The following INTS2 variants were observed in gnomAD, a reference collection of about 807,000 sequenced individuals.
INTS2 encodes integrator complex subunit 2, also known as KIAA1287.
In INTS2, 57 loss-of-function variants were observed where a neutral mutation model predicts 139.6. That is an observed-to-expected ratio of 0.41 (90% CI 0.33 to 0.51). INTS2 has a LOEUF of 0.51. INTS2 is among the 20% of genes least tolerant of loss of function. The pLI is 0.28. For missense variants in INTS2, 1,196 were observed against 1,436.7 expected (o/e 0.83, Z 2.71); for synonymous variants, 473 against 493.4 (o/e 0.96, Z 0.55).
In INTS2 at chr17:61,927,781, T is replaced by C; in HGVS notation, c.-146A>G. 2 of 1,590,478 alleles carry C rather than the reference T, an allele frequency of 1.3e-6. No individual in the cohort carries two copies. Among genetic ancestry groups the C allele is most frequent in the Admixed American group, 1.7e-5 (1 of 58,054 alleles). On this transcript the variant is annotated 5_prime_UTR_variant, in exon 1 of 25. Transcript: ENST00000251334. ...CGATATCCGGAACCCCAAACCCTAG[T>C]TGTGCCTCGAGTCGACTCGGACACC... is the stretch of plus-strand genomic sequence containing the variant.
Position 61,897,805 on chromosome 17 carries a change from T to C in INTS2, c.1308-66A>G. The stretch of plus-strand genomic sequence containing the variant: ...TATACTAGCATATGAATAAAAAGCA[T>C]TCTGAAGTTATTTTTGGTAGAAATT... On this transcript the variant is annotated intron_variant, in intron 9 of 24. Coordinates refer to ENST00000251334, the MANE Select transcript of INTS2 (RefSeq NM_001351695.2). The surrounding 1 kb of genome is among the most constrained non-coding windows in gnomAD (Gnocchi z 4.4). 5.5e-6 allele frequency: 6 copies of C among 1,081,226 alleles called. No homozygotes were observed. The highest frequency in any genetic ancestry group is 8.1e-6 in the Non-Finnish European group (6 of 736,920). 67.0% of individuals were successfully genotyped at this position (1,081,226 alleles called of 1,614,324 possible).
At chr17:61,901,301 T>C (rs1440456501) in intron 9 of INTS2, among the ~76,000 whole-genome samples, 1 of 150,758 alleles carries the variant, frequency 6.6e-6, no homozygotes, top group Non-Finnish European at 1.5e-5. Context: ...TTAAAAATAA[T>C]AATAAATATT....
At chr17:61,924,334 A>G (rs1231326995) in intron 3 of INTS2, among the ~76,000 whole-genome samples, 3 of 152,212 alleles carry the variant, frequency 2.0e-5, no homozygotes. Context: ...GATAATCTGT[A>G]CAAGCCTTGA....
intron 15 of INTS2, 29 bp downstream of exon 15, chr17:61,889,757 C>T: frequency 8.8e-7 from 1 of 1,133,608 alleles, no homozygotes; most frequent in Non-Finnish European, 1.3e-6. Flanking sequence ...TAAACTACCA[C>T]TAGAACCACT....
chr17:61,922,857 C>T (rs966526390), intron 3 of INTS2, among the ~76,000 whole-genome samples: 5 of 151,900 alleles, frequency 3.3e-5, no homozygotes, highest in Admixed American at 6.6e-5. Context: ...GTGGGAGGAT[C>T]ACCTGAGGTC....
chr17:61,868,081 G>T lies in INTS2; in HGVS notation c.3245-72C>A. On this transcript the variant is annotated intron_variant, in intron 23 of 24. Transcript: ENST00000251334. The surrounding 1 kb of genome is among the most constrained non-coding windows in gnomAD (Gnocchi z 4.7). Reference sequence around the variant, plus strand: ...CAACACAGCTTACACAACATACTAAGGGGAACTATGCTCTGTGCTGGAGAT... The same window carrying T: ...CAACACAGCTTACACAACATACTAATGGGAACTATGCTCTGTGCTGGAGAT... 8.1e-7 allele frequency: 1 copy of T among 1,232,198 alleles called. No individual in the cohort carries two copies. The highest frequency in any genetic ancestry group is 1.6e-5 in the South Asian group (1 of 61,606). The allele number at this position is 1,232,198 out of a possible 1,614,324, so 76.3% of individuals were successfully genotyped here. A position where few individuals can be genotyped will look rare whatever the true frequency, so the allele number is the denominator to read the frequency against.
chr17:61,913,155 T>C (rs1418743450), intron 5 of INTS2, among the ~76,000 whole-genome samples: 1 of 151,816 alleles, frequency 6.6e-6, no homozygotes, highest in Non-Finnish European at 1.5e-5. Flanking sequence ...CTAGCCAACA[T>C]AGTGAAACCC....
Position 61,889,853 on chromosome 17 carries a change from T to C in INTS2, c.1917A>G (p.Ala639=). ...GTATATAGTAGAGCACCAAAAGCTG[T>C]GCTGTGATACTGAAACGCTGATTAA... The part of the protein sequence containing the change: ...IRLNQRFSIT[A]QLLVLYYILS... Residue 639 remains alanine, a synonymous_variant, in exon 15 of 25, where the codon GCA becomes GCG. Coordinates refer to ENST00000251334, the MANE Select transcript of INTS2 (RefSeq NM_001351695.2). 1 of 1,612,362 alleles carries C rather than the reference T, an allele frequency of 6.2e-7. No homozygotes were observed. The highest frequency in any genetic ancestry group is 1.7e-5 in the Admixed American group (1 of 59,948).
chr17:61,924,690 G>A (rs1409437851), intron 3 of INTS2, among the ~76,000 whole-genome samples: 8 of 151,968 alleles, frequency 5.3e-5, no homozygotes, highest in African/African-American at 4.8e-5. Flanking sequence ...TTAGCTGGGC[G>A]TGGTGGCGGG....
intron 15 of INTS2, among the ~76,000 whole-genome samples, chr17:61,888,938 T>C (rs1603376024): frequency 6.6e-6 from 1 of 151,738 alleles, no homozygotes; most frequent in African/African-American, 2.4e-5. Context: ...GGCAGGAGAA[T>C]GGCATGAACT....
At chr17:61,912,659 T>C (rs1190048083) in intron 5 of INTS2, among the ~76,000 whole-genome samples, 2 of 152,022 alleles carry the variant, frequency 1.3e-5, no homozygotes, top group Admixed American at 1.3e-4. Context: ...TGAAGAAATT[T>C]TCCCAAGTTG....
Position 61,927,689 on chromosome 17 carries a change from A to G in INTS2, c.-54T>C. 1 of 1,437,140 alleles carries G rather than the reference A, an allele frequency of 7.0e-7. No homozygotes were observed. Among genetic ancestry groups the G allele is most frequent in the African/African-American group, 1.4e-5 (1 of 69,738 alleles). 89.0% of individuals were successfully genotyped at this position (1,437,140 alleles called of 1,614,324 possible). On this transcript the variant is annotated 5_prime_UTR_variant, in exon 1 of 25. Coordinates refer to ENST00000251334, the MANE Select transcript of INTS2 (RefSeq NM_001351695.2). ...ACCCTCCAGCCTCACGGAACCGCACACGGACTCCGCGTCCTAGAGGCGGGA... is the reference window on the plus strand; with the variant it reads ...ACCCTCCAGCCTCACGGAACCGCACGCGGACTCCGCGTCCTAGAGGCGGGA...
At chr17:61,913,116 TCA>T (rs2079544875) in intron 5 of INTS2, among the ~76,000 whole-genome samples, 1 of 149,514 alleles carries the variant, frequency 6.7e-6, no homozygotes, top group Non-Finnish European at 1.5e-5. Context: ...GATAGGCGCA[TCA>T]CCTGAGGCCA....
intron 9 of INTS2, among the ~76,000 whole-genome samples, chr17:61,904,141 T>C (rs544582543): frequency 3.9e-5 from 6 of 152,152 alleles, no homozygotes; most frequent in Non-Finnish European, 2.9e-5. Flanking sequence ...ATCCTTATTT[T>C]AAAAAAATAC....
At chr17:61,923,075 T>A (rs980405749) in intron 3 of INTS2, among the ~76,000 whole-genome samples, 3 of 151,546 alleles carry the variant, frequency 2.0e-5, no homozygotes, top group Admixed American at 6.6e-5. Context: ...AAACTCTGTC[T>A]CAAAAAAACA....
Position 61,893,210 on chromosome 17 carries a change from T to G in INTS2, c.1698+555A>C, listed in dbSNP as rs1483803875. Among the ~76,000 whole-genome samples, 1 of 151,982 alleles carries G rather than the reference T, an allele frequency of 6.6e-6. No individual in the cohort carries two copies. The highest frequency in any genetic ancestry group is 1.5e-5 in the Non-Finnish European group (1 of 68,014). ...AATGGAGTATTATGCATTTTGAAAA[T>G]CTTACATTGTTTTAAAAATCTGAAA... On this transcript the variant is annotated intron_variant, in intron 13 of 24. Coordinates refer to ENST00000251334, the MANE Select transcript of INTS2 (RefSeq NM_001351695.2). The surrounding 1 kb of genome is among the most constrained non-coding windows in gnomAD (Gnocchi z 5.4).
At chr17:61,889,590 G>C (rs1323416289) in intron 15 of INTS2, among the ~76,000 whole-genome samples, 196 bp downstream of exon 15, 6 of 152,202 alleles carry the variant, frequency 3.9e-5, no homozygotes, top group Non-Finnish European at 7.4e-5. Flanking sequence ...AGGAGGACTG[G>C]GCCATAAATC....
At chr17:61,906,534 G>GT (rs369882397) in intron 8 of INTS2, among the ~76,000 whole-genome samples, 1 of 152,286 alleles carries the variant, frequency 6.6e-6, no homozygotes, top group African/African-American at 2.4e-5. Flanking sequence ...ACTGGTTAAT[G>GT]TATCATGGCA....
At chr17:61,912,944 T>C (rs895406700) in intron 5 of INTS2, among the ~76,000 whole-genome samples, 7 of 151,776 alleles carry the variant, frequency 4.6e-5, no homozygotes, top group African/African-American at 7.3e-5. Flanking sequence ...GGTGTGGTAA[T>C]GCGCACCTAT....
Sources: gnomAD v4.1 joint callset for allele counts (sites outside exome capture counted in the v4.1 genomes callset) on GRCh38, gnomAD v4.1.1 for gene constraint, Gnocchi (gnomAD v3.1) non-coding constraint, MANE v1.5 for transcripts, NCBI Gene and HGNC (gene_info 2026-07-23, HGNC 2026-07-21) for gene names.